RTTN: variants seen among roughly 807,000 people sequenced by gnomAD.
RTTN encodes rotatin.
In RTTN, 182 loss-of-function variants were observed where a neutral mutation model predicts 269.2. The ratio of observed to expected loss-of-function variants is 0.68; its 90% CI spans 0.60 to 0.76. RTTN has a LOEUF of 0.76. Ranked by LOEUF, RTTN falls within the 30% of genes least tolerant of loss-of-function variation. RTTN has a pLI of 0.00. For synonymous variants in RTTN, 1,006 were observed against 963.5 expected, an observed-to-expected ratio of 1.04 and a Z score of -0.82; for missense variants, 2,545 against 2,608.6, an observed-to-expected ratio of 0.98 and a Z score of 0.53.
At chr18:70,080,126 A>T (rs1165223623) in intron 32 of RTTN, among the ~76,000 whole-genome samples, 1 of 152,140 alleles carries the variant, frequency 6.6e-6, no homozygotes, top group Non-Finnish European at 1.5e-5. Context: ...AACAAAAGAT[A>T]AAAATAATAC....
chr18:70,057,759 C>G lies in RTTN; in HGVS notation c.5014G>C (p.Glu1672Gln). 1 of 1,613,586 alleles carries G rather than the reference C, an allele frequency of 6.2e-7. No individual in the cohort carries two copies. Among genetic ancestry groups the G allele is most frequent in the African/African-American group, 1.3e-5 (1 of 75,014 alleles). Reference sequence around the variant, plus strand: ...ATGCTTACCTGAGCCTGAGTGTGTTCAGCTGGAGGTGATGAAGGCAGCAGG... The same window carrying G: ...ATGCTTACCTGAGCCTGAGTGTGTTGAGCTGGAGGTGATGAAGGCAGCAGG... ...RALLPSSPPA[E>Q]HTQAQVSFLL... The change falls in exon 37 of 49, where the codon GAA (glutamate) becomes CAA (glutamine). Residue 1672 changes from glutamate (E) to glutamine (Q), a missense_variant. Coordinates refer to ENST00000640769, the MANE Select transcript of RTTN (RefSeq NM_173630.4).
At chr18:70,196,990 TCATCTCAAG>T (rs2061825211) in intron 6 of RTTN, among the ~76,000 whole-genome samples, 1 of 152,198 alleles carries the variant, frequency 6.6e-6, no homozygotes, top group Non-Finnish European at 1.5e-5. Flanking sequence ...CAAGCCCTTT[TCATCTCAAG>T]CATCTAAACC....
In RTTN at chr18:70,121,719, A is replaced by C; in HGVS notation, c.3384-19T>G. The stretch of plus-strand genomic sequence containing the variant: ...TAAAAACCTATAATGAAAAGACAAT[A>C]ATCATGGTTTCTGGCGCTTTAAAAT... On this transcript the variant is annotated intron_variant, in intron 25 of 48. Transcript: ENST00000640769. The C allele has an allele frequency of 1.3e-6, 2 of 1,522,452 alleles. No individual in the cohort carries two copies. Among genetic ancestry groups the C allele is most frequent in the Non-Finnish European group, 8.8e-7 (1 of 1,141,048 alleles). 94.3% of individuals were successfully genotyped at this position (1,522,452 alleles called of 1,614,324 possible).
intron 17 of RTTN, among the ~76,000 whole-genome samples, chr18:70,146,086 A>G (rs1166616361): frequency 1.3e-5 from 2 of 152,218 alleles, no homozygotes; most frequent in African/African-American, 2.4e-5. Context: ...AATTAAATCA[A>G]TAACTCCTGT....
Position 70,012,834 on chromosome 18 carries a change from C to T in RTTN, c.6421+4573G>A, listed in dbSNP as rs187150081. Reference sequence around the variant, plus strand: ...CACTGGTATTAGACCAACCACAATGCTAGTGTATTTTAGGAGCTCAATAAA... The same window carrying T: ...CACTGGTATTAGACCAACCACAATGTTAGTGTATTTTAGGAGCTCAATAAA... On this transcript the variant is annotated intron_variant, in intron 46 of 48. Transcript: ENST00000640769. Among the ~76,000 whole-genome samples the T allele has an allele frequency of 7.0e-4, 106 of 152,274 alleles. 2 individuals are homozygous for T. The highest frequency in any genetic ancestry group is 2.0e-4 in the Admixed American group (3 of 15,300).
At chr18:70,092,316 G>A in intron 29 of RTTN, 96 bp from the exon 30 acceptor site, 1 of 758,260 alleles carries the variant, frequency 1.3e-6, no homozygotes, top group South Asian at 1.9e-5. Context: ...AAAACAACGT[G>A]AAAATGTATT....
At chr18:70,034,173 AAT>A (rs2057102495) in intron 40 of RTTN, among the ~76,000 whole-genome samples, 1 of 152,188 alleles carries the variant, frequency 6.6e-6, no homozygotes, top group African/African-American at 2.4e-5. Flanking sequence ...TCCCCAAAAA[AAT>A]GAGAAGTAGG....
At chr18:70,045,457 G>A (rs1199632480) in intron 40 of RTTN, among the ~76,000 whole-genome samples, 1 of 152,194 alleles carries the variant, frequency 6.6e-6, no homozygotes, top group African/African-American at 2.4e-5. Context: ...TTTAAAGACT[G>A]TAATTTACTT....
chr18:70,106,383 A>C (rs1346892871), intron 28 of RTTN, among the ~76,000 whole-genome samples: 1 of 148,512 alleles, frequency 6.7e-6, no homozygotes, highest in Non-Finnish European at 1.5e-5. Flanking sequence ...TAATGTATTA[A>C]GTAATAGCCA....
intron 34 of RTTN, among the ~76,000 whole-genome samples, chr18:70,072,719 T>C (rs1011437270): frequency 3.3e-5 from 5 of 152,172 alleles, no homozygotes; most frequent in African/African-American, 1.2e-4. Flanking sequence ...TATAGCCCTT[T>C]TGACAAATAG....
intron 28 of RTTN, among the ~76,000 whole-genome samples, chr18:70,101,135 A>G (rs932077648): frequency 1.3e-5 from 2 of 152,232 alleles, no homozygotes; most frequent in Admixed American, 1.3e-4. Flanking sequence ...TGACTGGAAT[A>G]GTTTCAGAAG....
intron 38 of RTTN, 55 bp downstream of exon 38, chr18:70,054,076 T>C: frequency 7.0e-7 from 1 of 1,431,634 alleles, no homozygotes; most frequent in East Asian, 2.3e-5. Context: ...ACAGAGTAAG[T>C]TTTTTTTCCT....
rs1283862593 is a variant in RTTN, at chr18:70,201,950, T to C, written c.431A>G (p.Tyr144Cys). 4 of 1,611,274 alleles carry C rather than the reference T, an allele frequency of 2.5e-6. No homozygotes were observed. The highest frequency in any genetic ancestry group is 3.4e-6 in the Non-Finnish European group (4 of 1,177,654). ...GAAATTACTTTTGTCTTGGGGAAAA[T>C]ATCCTGTTAAGATTTCAGGGTTTTT... The part of the protein sequence containing the change: ...LSKNPEILTG[Y>C]FPQDKSNFQQ... Residue 144 changes from tyrosine to cysteine, a missense_variant, in exon 4 of 49, where the codon TAT (tyrosine) becomes TGT (cysteine). Tyr to Cys is a radical substitution (Grantham distance 194). Coordinates refer to ENST00000640769, the MANE Select transcript of RTTN (RefSeq NM_173630.4).
At chr18:70,130,984 T>C (rs1004624469) in intron 23 of RTTN, 2 of 151,924 alleles carry the variant, frequency 1.3e-5, no homozygotes, top group Non-Finnish European at 2.9e-5. Context: ...TGCTGTGGGA[T>C]ATAGCTGAAG....
At chr18:70,090,333 A>G (rs2058810436) in intron 30 of RTTN, among the ~76,000 whole-genome samples, 1 of 152,230 alleles carries the variant, frequency 6.6e-6, no homozygotes, top group Non-Finnish European at 1.5e-5. Flanking sequence ...TAAAGTTTAC[A>G]AATTAGGCAC....
chr18:70,118,301 G>C (rs546391771), intron 26 of RTTN, among the ~76,000 whole-genome samples: 1 of 151,970 alleles, frequency 6.6e-6, no homozygotes, highest in East Asian at 1.9e-4. Flanking sequence ...ACAAGGAATC[G>C]TAAGAGACTA....
chr18:70,109,772 GGGCTATCTTACT>G, intron 27 of RTTN, 55 bp from the exon 28 acceptor site: 1 of 1,398,932 alleles, frequency 7.1e-7, no homozygotes, highest in South Asian at 1.2e-5. Flanking sequence ...TGGGCTTAAT[GGGCTATCTTACT>G]GGCTATAAAA....
chr18:70,100,891 G>A (rs2059143180), intron 28 of RTTN, among the ~76,000 whole-genome samples: 1 of 152,152 alleles, frequency 6.6e-6, no homozygotes, highest in African/African-American at 2.4e-5. Flanking sequence ...ATTGATCTGT[G>A]CATGTTGAAC....
At chr18:70,167,594 G>A (rs1370024264) in intron 12 of RTTN, among the ~76,000 whole-genome samples, 3 of 151,794 alleles carry the variant, frequency 2.0e-5, no homozygotes, top group Non-Finnish European at 4.4e-5. Context: ...GTGGTGGCAC[G>A]AGCCTGTAAT....
Sources: gnomAD v4.1 joint callset for allele counts (sites outside exome capture counted in the v4.1 genomes callset) on GRCh38, gnomAD v4.1.1 for gene constraint, MANE v1.5 for transcripts, NCBI Gene and HGNC (gene_info 2026-07-23, HGNC 2026-07-21) for gene names.